GRM5: variants seen among roughly 807,000 people sequenced by gnomAD.
GRM5 encodes glutamate metabotropic receptor 5, also known as metabotropic glutamate receptor 5.
Under a neutral mutation model 83.1 loss-of-function variants are expected in GRM5, and 19 were observed. The observed-to-expected ratio is 0.23, with a 90% CI of 0.16 to 0.34. GRM5 has a LOEUF of 0.34. Ranked by LOEUF, GRM5 falls within the 10% of genes least tolerant of loss-of-function variation. GRM5 has a pLI of 1.00. For missense variants in GRM5, 1,160 were observed against 1,588.3 expected (o/e 0.73, Z 4.58); for synonymous variants, 675 against 633.6 (o/e 1.07, Z -0.98).
At chr11:88,599,132 T>C (rs1044718723) in intron 5 of GRM5, among the ~76,000 whole-genome samples, 29 of 152,348 alleles carry the variant, frequency 1.9e-4, no homozygotes, top group African/African-American at 6.7e-4. Context: ...TTTGAACCAA[T>C]TTATATTGTA....
At chr11:89,014,005 A>C (rs1591048426) in intron 2 of GRM5, among the ~76,000 whole-genome samples, 1 of 152,324 alleles carries the variant, frequency 6.6e-6, no homozygotes, top group Non-Finnish European at 1.5e-5. Flanking sequence ...TTTTTATTCT[A>C]GTTCAGAAGA....
chr11:88,791,628 A>T (rs187553376), intron 3 of GRM5, among the ~76,000 whole-genome samples: 1 of 152,294 alleles, frequency 6.6e-6, no homozygotes, highest in East Asian at 1.9e-4. Flanking sequence ...AGAATATAAA[A>T]TATGAATACA....
Position 88,567,772 on chromosome 11 carries a change from C to T in GRM5, c.1911G>A (p.Ala637=), listed in dbSNP as rs200560740. ...GGTAGCAGTAAATCTGTTTGGGCTT[C>T]GCAATGAGGCAGAAGGTACATAAGT... The part of the protein sequence containing the change: ...LGYLCTFCLI[A]KPKQIYCYLQ... Residue 637 remains alanine, a synonymous_variant, in exon 8 of 10, where the codon GCG becomes GCA. Transcript: ENST00000305447. This position sits in a 1 kb window ranked among gnomAD's most constrained non-coding sequence, Gnocchi z 7.3. 81 of 1,613,966 alleles carry T rather than the reference C, an allele frequency of 5.0e-5. No homozygotes were observed. Among genetic ancestry groups the T allele is most frequent in the Admixed American group, 2.5e-4 (15 of 60,022 alleles).
intron 3 of GRM5, among the ~76,000 whole-genome samples, chr11:88,845,423 C>G (rs527802397): frequency 3.2e-5 from 3 of 92,444 alleles, no homozygotes; most frequent in Admixed American, 1.3e-4. Flanking sequence ...ATAAACATAA[C>G]TTTTTTTTTT....
chr11:88,604,615 A>T, intron 5 of GRM5, 103 bp downstream of exon 5: 1 of 951,080 alleles, frequency 1.1e-6, no homozygotes, highest in East Asian at 2.4e-5. Flanking sequence ...AAACATTACC[A>T]GGAAACCTAG....
chr11:88,572,187 T>A (rs76284381), intron 7 of GRM5, among the ~76,000 whole-genome samples: 192 of 152,314 alleles, frequency 1.3e-3, no homozygotes, highest in African/African-American at 4.2e-3. Flanking sequence ...GCTTTAGGAA[T>A]CATCTTTTTA....
intron 5 of GRM5, among the ~76,000 whole-genome samples, chr11:88,603,403 G>C (rs1591375580): frequency 1.3e-5 from 2 of 152,314 alleles, no homozygotes; most frequent in Admixed American, 6.5e-5. Flanking sequence ...ATAAATTCCT[G>C]TGCAGGTATC....
intron 2 of GRM5, among the ~76,000 whole-genome samples, chr11:89,024,428 G>C (rs1359415463): frequency 1.3e-5 from 2 of 152,108 alleles, no homozygotes; most frequent in African/African-American, 2.4e-5. Context: ...GATCTTCATA[G>C]CAAAAATAAT....
intron 2 of GRM5, among the ~76,000 whole-genome samples, chr11:88,866,986 T>G (rs1462211853): frequency 2.0e-5 from 3 of 152,142 alleles, no homozygotes; most frequent in Non-Finnish European, 1.5e-5. Context: ...TGCTTGTTTT[T>G]GTCAGGTTTG....
rs1352182248 is a variant in GRM5 at position 88,728,160 on chromosome 11, C to CAAAT, written c.912-74761_912-74758dup. Among the ~76,000 whole-genome samples, 12 of 152,108 alleles carry CAAAT rather than the reference C, an allele frequency of 7.9e-5. 1 individual carries two copies. Among genetic ancestry groups the CAAAT allele is most frequent in the Middle Eastern group, 3.4e-3 (1 of 290 alleles). On this transcript the variant is annotated intron_variant, in intron 3 of 9. Transcript: ENST00000305447. ...ATAAAAAAGAAAAAAAGAGAAGAAT[C>CAAAT]AAATAGACTCAATAGAAAATGATAA... is the stretch of plus-strand genomic sequence containing the variant.
intron 3 of GRM5, among the ~76,000 whole-genome samples, chr11:88,795,491 A>AAT (rs1943259406): frequency 6.6e-6 from 1 of 152,234 alleles, no homozygotes; most frequent in South Asian, 2.1e-4. Context: ...GGGCAAATAT[A>AAT]ATAGTGAAAG....
chr11:88,824,802 T>C (rs770858781), intron 3 of GRM5, among the ~76,000 whole-genome samples: 1 of 152,124 alleles, frequency 6.6e-6, no homozygotes, highest in Non-Finnish European at 1.5e-5. Flanking sequence ...CTCTAAATAA[T>C]TTACCAGTAC....
intron 2 of GRM5, among the ~76,000 whole-genome samples, chr11:88,866,610 G>T (rs1440015682): frequency 6.6e-6 from 1 of 151,890 alleles, no homozygotes; most frequent in Non-Finnish European, 1.5e-5. Flanking sequence ...GATTTTGGAT[G>T]TTTACCATGA....
intron 1 of GRM5, among the ~76,000 whole-genome samples, chr11:89,060,281 TATATAC>T (rs756794983): frequency 2.3e-4 from 31 of 136,854 alleles, no homozygotes; most frequent in East Asian, 4.1e-4. Flanking sequence ...TATATATATA[TATATAC>T]ACACACACAC....
intron 3 of GRM5, among the ~76,000 whole-genome samples, chr11:88,662,437 G>A (rs752138382): frequency 5.3e-5 from 8 of 152,122 alleles, no homozygotes; most frequent in East Asian, 1.9e-4. Flanking sequence ...TATTGAAAAT[G>A]TGTAGGTAAG....
At chr11:88,931,270 A>G (rs1235108731) in intron 2 of GRM5, among the ~76,000 whole-genome samples, 1 of 151,906 alleles carries the variant, frequency 6.6e-6, no homozygotes, top group Non-Finnish European at 1.5e-5. Context: ...TATTTTATGT[A>G]CTTTGCCAGT....
chr11:88,977,297 C>A (rs2135016260), intron 2 of GRM5, among the ~76,000 whole-genome samples: 1 of 152,134 alleles, frequency 6.6e-6, no homozygotes, highest in African/African-American at 2.4e-5. Context: ...ACTGCAAGCT[C>A]CGATTCCCAA....
rs1161637312 is a variant in GRM5, at chr11:88,507,286, G to T, written c.*1306C>A. ...TGGAATGGCTAAGAAAGACTGTGTG[G>T]TTAATATTCATTAAGGTTCCTCTTT... On this transcript the variant is annotated 3_prime_UTR_variant, in exon 10 of 10. Transcript: ENST00000305447. 2.0e-5 allele frequency: 3 copies of T among 152,168 alleles called. No individual in the cohort carries two copies. The highest frequency in any genetic ancestry group is 7.2e-5 in the African/African-American group (3 of 41,430). 9.4% of individuals were successfully genotyped at this position (152,168 alleles called of 1,614,324 possible). A position where few individuals can be genotyped will look rare whatever the true frequency, so the allele number is the denominator to read the frequency against.
At chr11:88,598,374 A>T (rs947328489) in intron 5 of GRM5, among the ~76,000 whole-genome samples, 1 of 152,044 alleles carries the variant, frequency 6.6e-6, no homozygotes, top group African/African-American at 2.4e-5. Flanking sequence ...GCATCAATCT[A>T]TTGAAACTTA....
Sources: gnomAD v4.1 joint callset for allele counts (sites outside exome capture counted in the v4.1 genomes callset) on GRCh38, gnomAD v4.1.1 for gene constraint, Gnocchi (gnomAD v3.1) non-coding constraint, MANE v1.5 for transcripts, NCBI Gene and HGNC (gene_info 2026-07-23, HGNC 2026-07-21) for gene names.